Variants in TPRG1 observed in about 807,000 individuals in gnomAD.
TPRG1 encodes the protein tumor protein p63 regulated 1.
TPRG1 carries 29 observed loss-of-function variants against 29.3 expected under a neutral mutation model. The observed-to-expected ratio is 0.99, with a 90% CI of 0.74 to 1.35. TPRG1 has a LOEUF of 1.35. TPRG1 is among the 40% of genes most tolerant of loss of function. The pLI is 0.00. For synonymous variants in TPRG1, 130 were observed against 116.8 expected (o/e 1.11, Z -0.73); for missense variants, 327 against 335.0 (o/e 0.98, Z 0.19).
intron 1 of TPRG1, among the ~76,000 whole-genome samples, chr3:188,999,634 G>A (rs1402459803): frequency 2.0e-5 from 3 of 152,008 alleles, no homozygotes; most frequent in Non-Finnish European, 2.9e-5. Flanking sequence ...AAAATTAAAT[G>A]AGTTAACACA....
intron 1 of TPRG1, among the ~76,000 whole-genome samples, chr3:189,126,837 C>T (rs1366216408): frequency 6.6e-6 from 1 of 152,152 alleles, no homozygotes; most frequent in African/African-American, 2.4e-5. Context: ...TCCTACCAAA[C>T]CCTGTAGGGA....
At chr3:189,211,512 A>C (rs1372999496) in intron 2 of TPRG1, 2 of 152,218 alleles carry the variant, frequency 1.3e-5, no homozygotes, top group Non-Finnish European at 2.9e-5. Context: ...TGGATCACAA[A>C]AAAAAGTATA....
chr3:189,095,632 C>G (rs1718625779), upstream of TPRG1, among the ~76,000 whole-genome samples: 1 of 152,164 alleles, frequency 6.6e-6, no homozygotes, highest in South Asian at 2.1e-4. Context: ...CTTAGGTTAG[C>G]ACTGAACTCT....
upstream of TPRG1, among the ~76,000 whole-genome samples, chr3:189,171,604 C>A (rs951535417): frequency 4.6e-5 from 7 of 152,280 alleles, no homozygotes; most frequent in East Asian, 5.8e-4. Flanking sequence ...ACATTTTTGA[C>A]AAGAGTGGTA....
At chr3:189,139,567 C>T (rs1206565467) in intron 3 of TPRG1, among the ~76,000 whole-genome samples, 2 of 152,100 alleles carry the variant, frequency 1.3e-5, no homozygotes, top group Non-Finnish European at 2.9e-5. Flanking sequence ...ACTAACAACT[C>T]GCGACAATGA....
At chr3:189,087,991 AT>A (rs1400019206) in intron 4 of TPRG1, among the ~76,000 whole-genome samples, 4 of 150,752 alleles carry the variant, frequency 2.7e-5, no homozygotes, top group Admixed American at 6.6e-5. Context: ...GCAATGCGGG[AT>A]TTTTTTGGTT....
chr3:189,206,194 A>G (rs1734341394), intron 1 of TPRG1, among the ~76,000 whole-genome samples: 1 of 144,902 alleles, frequency 6.9e-6, no homozygotes, highest in African/African-American at 2.6e-5. Flanking sequence ...AATTGGAATA[A>G]TATTATTTAT....
chr3:189,239,652 AT>A (rs1740190034), intron 4 of TPRG1, among the ~76,000 whole-genome samples: 1 of 152,192 alleles, frequency 6.6e-6, no homozygotes, highest in South Asian at 2.1e-4. Flanking sequence ...GGGGAAGAAC[AT>A]TCCAAAGCGG....
intron 4 of TPRG1, among the ~76,000 whole-genome samples, chr3:189,048,407 T>G (rs575468224): frequency 6.6e-6 from 1 of 152,314 alleles, no homozygotes; most frequent in African/African-American, 2.4e-5. Flanking sequence ...CTGAGTAGAT[T>G]TATCATAATA....
intron 4 of TPRG1, among the ~76,000 whole-genome samples, chr3:189,092,060 C>T (rs560139127): frequency 6.6e-6 from 1 of 152,294 alleles, no homozygotes; most frequent in Non-Finnish European, 1.5e-5. Flanking sequence ...CCAGCAGGAG[C>T]TCAGATTTAG....
chr3:189,263,888 G>T (rs747638279), intron 4 of TPRG1, among the ~76,000 whole-genome samples: 6 of 152,184 alleles, frequency 3.9e-5, no homozygotes, highest in Non-Finnish European at 7.3e-5. Flanking sequence ...TTAAGAAATG[G>T]AGGCAGCAGG....
chr3:189,137,847 C>T (rs771573934), intron 3 of TPRG1, among the ~76,000 whole-genome samples: 14 of 152,056 alleles, frequency 9.2e-5, no homozygotes, highest in Admixed American at 1.3e-4. Context: ...CCTTTTCCTG[C>T]GCTATGATGA....
intron 4 of TPRG1, among the ~76,000 whole-genome samples, chr3:189,307,834 C>A (rs557821765): frequency 9.1e-4 from 139 of 152,188 alleles, no homozygotes; most frequent in Non-Finnish European, 1.7e-3. Flanking sequence ...ATCTGCATTT[C>A]CACTGAGAAA....
At chr3:189,219,036 C>A (rs1221298004) in intron 3 of TPRG1, among the ~76,000 whole-genome samples, 1 of 152,158 alleles carries the variant, frequency 6.6e-6, no homozygotes, top group East Asian at 1.9e-4. Context: ...GTATAAAGAC[C>A]ACTATTGGCC....
intron 3 of TPRG1, among the ~76,000 whole-genome samples, chr3:189,217,636 C>G (rs562063267): frequency 6.6e-6 from 1 of 152,104 alleles, no homozygotes; most frequent in Non-Finnish European, 1.5e-5. Context: ...AGTTTATTTT[C>G]TTTGCTTGTT....
At chr3:189,159,806 T>G (rs1727211368) in intron 5 of TPRG1, among the ~76,000 whole-genome samples, 1 of 150,844 alleles carries the variant, frequency 6.6e-6, no homozygotes, top group Admixed American at 6.6e-5. Context: ...TAAAGGTTTT[T>G]GAGGTAGATA....
chr3:189,284,549 G>A (rs182435743), intron 4 of TPRG1, among the ~76,000 whole-genome samples: 2,004 of 152,054 alleles, frequency 0.013, 45 homozygotes, highest in African/African-American at 0.047. Context: ...ATTTTTTATG[G>A]CTGTATAGTA....
intron 4 of TPRG1, among the ~76,000 whole-genome samples, chr3:189,051,880 T>C (rs770304463): frequency 4.6e-5 from 7 of 152,160 alleles, no homozygotes; most frequent in Non-Finnish European, 8.8e-5. Flanking sequence ...GCTGGAGTGA[T>C]TGGCTAGCCA....
chr3:189,161,638 C>T (rs890724993), intron 5 of TPRG1, among the ~76,000 whole-genome samples: 1 of 152,092 alleles, frequency 6.6e-6, no homozygotes, highest in African/African-American at 2.4e-5. Context: ...ACTCTTTATC[C>T]ACTTCATTTT....
Sources: allele counts gnomAD v4.1 joint callset (sites outside exome capture counted in the v4.1 genomes callset), GRCh38; gene constraint gnomAD v4.1.1; transcripts MANE v1.5; gene names NCBI Gene and HGNC (gene_info 2026-07-23, HGNC 2026-07-21).